Variants in AGBL1 observed in about 807,000 individuals in gnomAD.
The protein encoded by AGBL1 is cytosolic carboxypeptidase 4.
In AGBL1, 130 loss-of-function variants were observed where a neutral mutation model predicts 118.9. The ratio of observed to expected loss-of-function variants is 1.09; its 90% confidence interval spans 0.95 to 1.26. The LOEUF (loss-of-function observed/expected upper bound fraction) is 1.26. AGBL1 is among the 50% of genes most tolerant of loss of function. The probability of loss-of-function intolerance (pLI) is 0.00; values close to 1 mark genes in which losing one functional copy is unlikely to be tolerated. For synonymous variants in AGBL1, 555 were observed against 478.9 expected (o/e 1.16, Z -2.08); for missense variants, 1,584 against 1,298.1 (o/e 1.22, Z -3.38).
intron 23 of AGBL1, among the ~76,000 whole-genome samples, chr15:86,942,046 C>T (rs1200320088): frequency 6.6e-6 from 1 of 152,206 alleles, no homozygotes; most frequent in African/African-American, 2.4e-5. Flanking sequence ...AGTATTCTCT[C>T]CATTAGGACA....
chr15:86,772,584 G>A (rs1010486531), intron 22 of AGBL1, among the ~76,000 whole-genome samples: 6 of 152,036 alleles, frequency 3.9e-5, no homozygotes, highest in African/African-American at 1.4e-4. Context: ...AAGGTTAAGA[G>A]TGAGCAGAGA....
intron 15 of AGBL1, among the ~76,000 whole-genome samples, chr15:86,274,598 C>G (rs183023033): frequency 6.6e-6 from 1 of 152,166 alleles, no homozygotes; most frequent in African/African-American, 2.4e-5. Flanking sequence ...CCCACTTCTC[C>G]CTTTGGAGAC....
intron 18 of AGBL1, among the ~76,000 whole-genome samples, chr15:86,517,363 T>G (rs1011415884): frequency 6.6e-6 from 1 of 152,250 alleles, no homozygotes; most frequent in South Asian, 2.1e-4. Flanking sequence ...CTAGAGTTTC[T>G]ACATATCTCA....
chr15:86,474,165 T>G (rs1465168083), intron 18 of AGBL1, among the ~76,000 whole-genome samples: 1 of 152,110 alleles, frequency 6.6e-6, no homozygotes, highest in African/African-American at 2.4e-5. Flanking sequence ...AGAAGACAGG[T>G]GATTTCTGCA....
intron 17 of AGBL1, among the ~76,000 whole-genome samples, chr15:86,370,933 A>C (rs1291082125): frequency 6.6e-6 from 1 of 152,220 alleles, no homozygotes; most frequent in African/African-American, 2.4e-5. Context: ...CATGTGAAGC[A>C]TGTGAAGGCT....
rs189289780 is a variant in AGBL1 at position 86,199,775 on chromosome 15, C to T, written c.489-25139C>T. On this transcript the variant is annotated intron_variant, in intron 5 of 22. Transcript: ENST00000614907. ...CCTCCATAAAAGTTTTTAAAATTTG[C>T]GTAGTGTTTATAAGGAAAATTATTT... Among the ~76,000 whole-genome samples the T allele has an allele frequency of 7.5e-3, 1,149 of 152,190 alleles. 12 individuals are homozygous for T. Among genetic ancestry groups the T allele is most frequent in the African/African-American group, 0.024 (984 of 41,526 alleles).
intron 17 of AGBL1, among the ~76,000 whole-genome samples, chr15:86,312,714 C>A (rs2079938829): frequency 6.6e-6 from 1 of 152,082 alleles, no homozygotes; most frequent in Non-Finnish European, 1.5e-5. Context: ...AGGGCAAGGG[C>A]ATTCTCAACA....
chr15:86,161,933 T>C (rs961041), intron 5 of AGBL1, among the ~76,000 whole-genome samples: 3,615 of 152,276 alleles, frequency 0.024, 134 homozygotes, highest in African/African-American at 0.083. Context: ...TTGTGGGCAA[T>C]AACAAATAAT....
chr15:86,500,616 C>T (rs1048237845), intron 18 of AGBL1, among the ~76,000 whole-genome samples: 2 of 151,454 alleles, frequency 1.3e-5, no homozygotes, highest in Admixed American at 1.3e-4. Flanking sequence ...GTACAATTTT[C>T]ATCTCCCCAA....
downstream of AGBL1, among the ~76,000 whole-genome samples, chr15:86,920,771 T>C (rs1193100570): frequency 6.6e-6 from 1 of 152,204 alleles, no homozygotes; most frequent in Non-Finnish European, 1.5e-5. Context: ...TGAGTTGTGA[T>C]TTGAACTCGA....
intron 7 of AGBL1, among the ~76,000 whole-genome samples, chr15:86,249,335 C>T (rs2078771320): frequency 6.6e-6 from 1 of 152,146 alleles, no homozygotes; most frequent in African/African-American, 2.4e-5. Context: ...AATGAAGCCA[C>T]CAATGAGAGT....
intron 23 of AGBL1, among the ~76,000 whole-genome samples, chr15:86,922,464 G>A (rs575533342): frequency 1.3e-5 from 2 of 152,130 alleles, no homozygotes; most frequent in South Asian, 4.1e-4. Context: ...CTAATTCTGT[G>A]TATTTTTAGT....
chr15:86,341,074 A>G (rs1396125839), intron 17 of AGBL1, among the ~76,000 whole-genome samples: 1 of 152,184 alleles, frequency 6.6e-6, no homozygotes, highest in Non-Finnish European at 1.5e-5. Flanking sequence ...GGCTTCTCAC[A>G]TGCAAAGTCC....
chr15:86,129,540 G>T (rs1414311420), intron 1 of AGBL1, among the ~76,000 whole-genome samples: 1 of 152,276 alleles, frequency 6.6e-6, no homozygotes, highest in Non-Finnish European at 1.5e-5. Flanking sequence ...ATAGGTATGA[G>T]TAATTAATGC....
At chr15:86,308,250 C>T (rs1830200375) in intron 17 of AGBL1, among the ~76,000 whole-genome samples, 1 of 152,054 alleles carries the variant, frequency 6.6e-6, no homozygotes, top group African/African-American at 2.4e-5. Flanking sequence ...AAACCCTAAT[C>T]CCCAATGTGA....
chr15:86,405,700 C>T (rs887725019), intron 18 of AGBL1, among the ~76,000 whole-genome samples: 2 of 151,892 alleles, frequency 1.3e-5, no homozygotes, highest in Non-Finnish European at 2.9e-5. Context: ...GATTTGTTTT[C>T]TAATTATAAA....
intron 18 of AGBL1, among the ~76,000 whole-genome samples, chr15:86,460,491 C>T (rs2082320562): frequency 6.6e-6 from 1 of 150,648 alleles, no homozygotes; most frequent in South Asian, 2.1e-4. Context: ...CAGAACAATC[C>T]CTTGTGTCTT....
intron 18 of AGBL1, among the ~76,000 whole-genome samples, chr15:86,481,463 C>G (rs926759222): frequency 3.9e-5 from 6 of 151,996 alleles, no homozygotes; most frequent in South Asian, 2.1e-4. Flanking sequence ...TTTTATTATT[C>G]TTATAGCTTC....
At chr15:86,273,576 C>T (rs1224559967) in intron 15 of AGBL1, among the ~76,000 whole-genome samples, 1 of 152,202 alleles carries the variant, frequency 6.6e-6, no homozygotes, top group Non-Finnish European at 1.5e-5. Flanking sequence ...TATGCAATAT[C>T]TCTCTCCCTA....
Sources: gnomAD v4.1 joint callset for allele counts (sites outside exome capture counted in the v4.1 genomes callset) on GRCh38, gnomAD v4.1.1 for gene constraint, MANE v1.5 for transcripts, NCBI Gene and HGNC (gene_info 2026-07-23, HGNC 2026-07-21) for gene names.